Variants in TBC1D9B observed in about 807,000 individuals in gnomAD.
TBC1D9B encodes the protein TBC1 domain family, member 9B (with GRAM domain).
Under a neutral mutation model 121.1 loss-of-function variants are expected in TBC1D9B, and 87 were observed. The observed-to-expected ratio is 0.72, with a 90% CI of 0.60 to 0.86. TBC1D9B has a LOEUF of 0.86. Among genes scored for constraint, TBC1D9B ranks in the 40% least tolerant of loss-of-function variants. The pLI is 0.00. For synonymous variants in TBC1D9B, 668 were observed against 670.1 expected (o/e 1.00, Z 0.05); for missense variants, 1,540 against 1,628.6 (o/e 0.95, Z 0.94).
chr5:179,907,788 TG>T lies in TBC1D9B; in HGVS notation c.33del (p.Asn12MetfsTer5). 8.2e-7 allele frequency: 1 copy of T among 1,224,260 alleles called. No homozygotes were observed. Among genetic ancestry groups the T allele is most frequent in the East Asian group, 6.4e-5 (1 of 15,648 alleles). The allele number at this position is 1,224,260 out of a possible 1,614,324, so 75.8% of individuals were successfully genotyped here. A position where few individuals can be genotyped will look rare whatever the true frequency, so the allele number is the denominator to read the frequency against. ...GCCCGCTCCGTCACCCACAGCGCATTGGCCACCAGCACCTCCTCCGGGCTCA... is the reference window on the plus strand; with the variant it reads ...GCCCGCTCCGTCACCCACAGCGCATTGCCACCAGCACCTCCTCCGGGCTCA... Reference protein sequence around the residue: MWLSPEEVLVANALWVTERAN... With the variant: MWLSPEEVLVXNALWVTERAN... On this transcript the variant is annotated frameshift_variant, in exon 1 of 21. Transcript: ENST00000355235. LOFTEE classifies it high-confidence loss of function. The surrounding 1 kb of genome is among the most constrained non-coding windows in gnomAD (Gnocchi z 5.3).
Position 179,865,595 on chromosome 5 carries a change from C to G in TBC1D9B, c.2915-235G>C. The stretch of plus-strand genomic sequence containing the variant: ...ATGACAATGATCCACAATGTCTTCT[C>G]TCAGATGGGGAGTCACAGGGCAGCT... On this transcript the variant is annotated intron_variant, in intron 19 of 20. Coordinates refer to ENST00000355235, the MANE Select transcript of TBC1D9B (RefSeq NM_015043.4). The surrounding 1 kb of genome is among the most constrained non-coding windows in gnomAD (Gnocchi z 5.1). 1.6e-6 allele frequency: 1 copy of G among 617,808 alleles called. No homozygotes were observed. The highest frequency in any genetic ancestry group is 2.8e-6 in the Non-Finnish European group (1 of 352,024). The allele number at this position is 617,808 out of a possible 1,614,324, so 38.3% of individuals were successfully genotyped here. A position where few individuals can be genotyped will look rare whatever the true frequency, so the allele number is the denominator to read the frequency against.
chr5:179,877,652 G>C (rs1435511380), intron 10 of TBC1D9B, among the ~76,000 whole-genome samples: 2 of 131,758 alleles, frequency 1.5e-5, no homozygotes. Flanking sequence ...AAACAAGAGT[G>C]AGATTCTATC....
intron 7 of TBC1D9B, among the ~76,000 whole-genome samples, chr5:179,886,880 G>A (rs2113630343): frequency 6.6e-6 from 1 of 152,364 alleles, no homozygotes; most frequent in Non-Finnish European, 1.5e-5. Context: ...GACGACCAGT[G>A]TCGTGCCCAG....
At position 179,888,258 on chromosome 5, in the gene TBC1D9B, T is replaced by G; in HGVS notation, c.1099A>C (p.Ile367Leu). The G allele has an allele frequency of 1.2e-6, 2 of 1,611,426 alleles. No individual in the cohort carries two copies. The highest frequency in any genetic ancestry group is 1.1e-5 in the South Asian group (1 of 90,820). Residue 367 changes from isoleucine to leucine, a missense_variant, in exon 7 of 21, where the codon ATC becomes CTC. Coordinates refer to ENST00000355235, the MANE Select transcript of TBC1D9B (RefSeq NM_015043.4). ...AATGTCATTTTGCTTTTGGTGCTGATGGACAGGGGGCTGGGCAGCACGCTG... is the reference window on the plus strand; with the variant it reads ...AATGTCATTTTGCTTTTGGTGCTGAGGGACAGGGGGCTGGGCAGCACGCTG... The part of the protein sequence containing the change: ...SSSVLPSPLS[I>L]STKSKMTFLF...
rs779461644 is a variant in TBC1D9B, at chr5:179,863,419, C to T, written c.*29G>A. The T allele has an allele frequency of 2.6e-5, 42 of 1,601,572 alleles. No homozygotes were observed. The highest frequency in any genetic ancestry group is 3.6e-5 in the Non-Finnish European group (42 of 1,173,440). ...GATGAGGCCAGCCCCACTGATGACA[C>T]CTTGGGCCAGGCCTCACAGCTGCAG... is the stretch of plus-strand genomic sequence containing the variant. On this transcript the variant is annotated 3_prime_UTR_variant, in exon 21 of 21. Transcript: ENST00000355235. This position sits in a 1 kb window ranked among gnomAD's most constrained non-coding sequence, Gnocchi z 4.5.
intron 15 of TBC1D9B, 64 bp downstream of exon 15, chr5:179,871,398 A>G (rs1760194637): frequency 6.6e-7 from 1 of 1,522,798 alleles, no homozygotes; most frequent in African/African-American, 1.4e-5. Context: ...TCTTAGATCC[A>G]TTTCTTTTCT....
In TBC1D9B at chr5:179,875,687, C is replaced by A. The variant is rs2113614788; in HGVS notation, c.1900+233G>T. Reference sequence around the variant, plus strand: ...CATCAGGTTACATGGGGGATATATACTCTCTAGTTTTGATGTTTGAAATTT... The same window carrying A: ...CATCAGGTTACATGGGGGATATATAATCTCTAGTTTTGATGTTTGAAATTT... On this transcript the variant is annotated intron_variant, in intron 11 of 20. Coordinates refer to ENST00000355235, the MANE Select transcript of TBC1D9B (RefSeq NM_015043.4). This position sits in a 1 kb window ranked among gnomAD's most constrained non-coding sequence, Gnocchi z 4.5. Among the ~76,000 whole-genome samples the A allele has an allele frequency of 6.6e-6, 1 of 152,310 alleles. No individual in the cohort carries two copies. The highest frequency in any genetic ancestry group is 2.1e-4 in the South Asian group (1 of 4,826).
At chr5:179,896,800 G>A (rs1034931586) in intron 3 of TBC1D9B, among the ~76,000 whole-genome samples, 1 of 152,054 alleles carries the variant, frequency 6.6e-6, no homozygotes. Flanking sequence ...CTAGGATTAC[G>A]GGTGTGAGAC....
chr5:179,880,842 TGAC>T (rs1193676763), intron 7 of TBC1D9B, among the ~76,000 whole-genome samples: 42 of 152,092 alleles, frequency 2.8e-4, no homozygotes, highest in Non-Finnish European at 1.3e-4. Flanking sequence ...AAACAAATGT[TGAC>T]GACAAGCTGC....
Position 179,904,561 on chromosome 5 carries a change from T to C in TBC1D9B, c.229+141A>G. On this transcript the variant is annotated intron_variant, in intron 2 of 20. Transcript: ENST00000355235. The surrounding 1 kb of genome is among the most constrained non-coding windows in gnomAD (Gnocchi z 4.2). ...TTTCTAAGATGGAAGCGAAGGCTCC[T>C]CCACTTCCCTCTTGCAGCCTTGGGC... 4.0e-6 allele frequency: 3 copies of C among 755,582 alleles called. No homozygotes were observed. The highest frequency in any genetic ancestry group is 6.6e-6 in the Non-Finnish European group (3 of 457,500). The allele number at this position is 755,582 out of a possible 1,614,324, so 46.8% of individuals were successfully genotyped here.
rs183886006 is a variant in TBC1D9B, at chr5:179,864,764, G to T, written c.3021+490C>A. Among the ~76,000 whole-genome samples the T allele has an allele frequency of 2.3e-3, 356 of 152,346 alleles. 2 individuals carry two copies. The highest frequency in any genetic ancestry group is 8.3e-3 in the African/African-American group (344 of 41,584). On this transcript the variant is annotated intron_variant, in intron 20 of 20. Transcript: ENST00000355235. ...CACAGCTAGACCGTGGGTCTGGCCC[G>T]AGGGCCATGGTCAGGCTGGTGCTCC...
In TBC1D9B at chr5:179,862,901, C is replaced by T. The variant is rs537035317; in HGVS notation, c.*547G>A. On this transcript the variant is annotated 3_prime_UTR_variant, in exon 21 of 21. Coordinates refer to ENST00000355235, the MANE Select transcript of TBC1D9B (RefSeq NM_015043.4). ...CGTGTACAGCCACGCCTGTGCGCAGCGCCCACTCTGTGCAATAAACATGTT... is the reference window on the plus strand; with the variant it reads ...CGTGTACAGCCACGCCTGTGCGCAGTGCCCACTCTGTGCAATAAACATGTT... 2.4e-5 allele frequency: 7 copies of T among 292,372 alleles called. No individual in the cohort carries two copies. Among genetic ancestry groups the T allele is most frequent in the South Asian group, 1.2e-4 (4 of 32,518 alleles). The allele number at this position is 292,372 out of a possible 1,614,324, so 18.1% of individuals were successfully genotyped here.
intron 4 of TBC1D9B, 32 bp from the exon 5 acceptor site, chr5:179,893,499 T>C: frequency 6.4e-7 from 1 of 1,563,354 alleles, no homozygotes; most frequent in Non-Finnish European, 8.7e-7. Flanking sequence ...CACCGCAAGT[T>C]AGGGCCTGGC....
rs568670516 is a variant in TBC1D9B at position 179,863,637 on chromosome 5, G to A, written c.3513C>T (p.Ile1171=). 20 of 1,613,840 alleles carry A rather than the reference G, an allele frequency of 1.2e-5. No individual in the cohort carries two copies. Among genetic ancestry groups the A allele is most frequent in the Admixed American group, 3.3e-5 (2 of 60,026 alleles). Residue 1171 remains isoleucine (I), a synonymous_variant, in exon 21 of 21, where the codon ATC becomes ATT. Transcript: ENST00000355235. This position sits in a 1 kb window ranked among gnomAD's most constrained non-coding sequence, Gnocchi z 4.5. ...ACCAGTCGGTGTCGACGGTGCCGCCGATGCGCGCTGTGGGGCTGCAGGCCT... is the reference window on the plus strand; with the variant it reads ...ACCAGTCGGTGTCGACGGTGCCGCCAATGCGCGCTGTGGGGCTGCAGGCCT... ...GGEACSPTAR[I]GGTVDTDWCI...
intron 3 of TBC1D9B, among the ~76,000 whole-genome samples, chr5:179,897,414 G>A (rs1024582198): frequency 2.0e-5 from 3 of 150,970 alleles, no homozygotes; most frequent in Admixed American, 2.0e-4. Flanking sequence ...CTAAGTCCAA[G>A]TGATTCTCCT....
rs755595092 is a variant in TBC1D9B at position 179,863,613 on chromosome 5, C to T, written c.3537G>A (p.Trp1179Ter). 2.5e-5 allele frequency: 40 copies of T among 1,613,884 alleles called. No individual in the cohort carries two copies. In the Admixed American group the frequency reaches 3.0e-4, roughly 12 times the overall value. Residue 1179 changes from tryptophan (W) to a stop codon, truncating the protein, a stop_gained, in exon 21 of 21, where the codon TGG (tryptophan) becomes TGA (stop). Coordinates refer to ENST00000355235, the MANE Select transcript of TBC1D9B (RefSeq NM_015043.4). LOFTEE classifies it high-confidence loss of function. This position sits in a 1 kb window ranked among gnomAD's most constrained non-coding sequence, Gnocchi z 4.5. ...CCAGGATCTGCTCAAAGGAGATGCA[C>T]CAGTCGGTGTCGACGGTGCCGCCGA... is the stretch of plus-strand genomic sequence containing the variant. ...ARIGGTVDTD[W>*]CISFEQILAS... is the part of the protein sequence containing the mutation.
At position 179,893,447 on chromosome 5, in the gene TBC1D9B, C is replaced by T. The variant is rs150353898; in HGVS notation, c.598G>A (p.Val200Met). 1.4e-3 allele frequency: 2,216 copies of T among 1,608,108 alleles called. 2 individuals are homozygous for T. The highest frequency in any genetic ancestry group is 1.8e-3 in the Non-Finnish European group (2,075 of 1,175,846). ...TTCTTCTCCAGACGCGTTATGTCCA[C>T]CCACTGCACCACGAGGCTCACTGTG... ...GKEVSLVVQW[V>M]DITRLEKNAT... Residue 200 changes from valine to methionine, a missense_variant, in exon 5 of 21, where the codon GTG (valine) becomes ATG (methionine). Val to Met is a conservative substitution (Grantham distance 21). Transcript: ENST00000355235.
In TBC1D9B at chr5:179,870,463, G is replaced by A. The variant is rs776433188; in HGVS notation, c.2517C>T (p.Cys839=). The change falls in exon 16 of 21, where the codon TGC becomes TGT. Residue 839 remains cysteine (C), a synonymous_variant. Coordinates refer to ENST00000355235, the MANE Select transcript of TBC1D9B (RefSeq NM_015043.4). ...AKHLASQYWG[C]SRTMAGRRDP... is the part of the protein sequence containing the mutation. The stretch of plus-strand genomic sequence containing the variant: ...CCCGACGGCCGGCCATTGTGCGGCT[G>A]CACCCCCAGTACTGGCTAGCCAGGT... 1 of 1,612,182 alleles carries A rather than the reference G, an allele frequency of 6.2e-7. No individual in the cohort carries two copies. The highest frequency in any genetic ancestry group is 1.1e-5 in the South Asian group (1 of 91,072).
At position 179,874,814 on chromosome 5, in the gene TBC1D9B, A is replaced by T. The variant is rs1463277429; in HGVS notation, c.2186+88T>A. ...CTGCAGCCTGGCACTTGGTGGGCAC[A>T]GTCACTTCAGGCTGACTGGACAGTG... On this transcript the variant is annotated intron_variant, in intron 12 of 20. Coordinates refer to ENST00000355235, the MANE Select transcript of TBC1D9B (RefSeq NM_015043.4). The surrounding 1 kb of genome is among the most constrained non-coding windows in gnomAD (Gnocchi z 4.3). 1 of 1,533,954 alleles carries T rather than the reference A, an allele frequency of 6.5e-7. No individual in the cohort carries two copies. The highest frequency in any genetic ancestry group is 8.8e-7 in the Non-Finnish European group (1 of 1,142,094).
Sources: gnomAD v4.1 joint callset for allele counts (sites outside exome capture counted in the v4.1 genomes callset) on GRCh38, gnomAD v4.1.1 for gene constraint, Gnocchi (gnomAD v3.1) non-coding constraint, MANE v1.5 for transcripts, NCBI Gene and HGNC (gene_info 2026-07-23, HGNC 2026-07-21) for gene names.